Variants in MIR2052HG observed in about 807,000 individuals in gnomAD.
MIR2052HG encodes the protein MIR2052 host gene.
intron 4 of MIR2052HG, among the ~76,000 whole-genome samples, chr8:74,726,709 A>T (rs1225468081): frequency 6.6e-6 from 1 of 152,172 alleles, no homozygotes; most frequent in Admixed American, 6.6e-5. Context: ...CAGGGACAGG[A>T]TATGTGGGCG....
intron 4 of MIR2052HG, among the ~76,000 whole-genome samples, chr8:74,740,769 T>C (rs1463928851): frequency 6.6e-6 from 1 of 152,192 alleles, no homozygotes; most frequent in Non-Finnish European, 1.5e-5. Context: ...AATCGTCTTA[T>C]TGCTTTGAAC....
intron 4 of MIR2052HG, among the ~76,000 whole-genome samples, chr8:74,744,571 C>T (rs867760299): frequency 5.3e-5 from 8 of 151,642 alleles, no homozygotes; most frequent in East Asian, 1.9e-4. Context: ...TGAGAATATG[C>T]GGTGTTTGGT....
chr8:74,719,752 C>T (rs1046515713), intron 4 of MIR2052HG, among the ~76,000 whole-genome samples: 3 of 151,832 alleles, frequency 2.0e-5, no homozygotes, highest in Non-Finnish European at 4.4e-5. Context: ...TGTTAGACAG[C>T]CTTAGCAGGA....
chr8:74,639,752 CA>C (rs758753401), intron 2 of MIR2052HG, among the ~76,000 whole-genome samples: 4 of 152,108 alleles, frequency 2.6e-5, no homozygotes, highest in Non-Finnish European at 4.4e-5. Flanking sequence ...GTATTTTTGA[CA>C]AATTCTAGGT....
chr8:74,754,489 G>A (rs934347449), intron 5 of MIR2052HG, among the ~76,000 whole-genome samples: 2 of 152,174 alleles, frequency 1.3e-5, no homozygotes, highest in Non-Finnish European at 2.9e-5. Context: ...TTGGAGCTAT[G>A]AGTGTAGAAC....
At position 74,600,806 on chromosome 8, in the gene MIR2052HG, C is replaced by T. The variant is rs1196245754; in HGVS notation, n.128+898C>T. 2.0e-5 allele frequency among the ~76,000 whole-genome samples: 3 copies of T among 152,082 alleles called. No individual in the cohort carries two copies. In the East Asian group the frequency reaches 5.9e-4, roughly 30 times the overall value. On this transcript the variant is annotated intron_variant and non_coding_transcript_variant, in intron 1 of 6. Coordinates refer to ENST00000523442, the Ensembl canonical transcript of MIR2052HG. ...GGCCAGGATGGTCTCGATCTCCTGA[C>T]CTCATTTTCTGCCAGCCTGAGCCTC... is the stretch of plus-strand genomic sequence containing the variant.
chr8:74,616,328 C>T (rs1162845674), intron 2 of MIR2052HG, among the ~76,000 whole-genome samples: 1 of 150,828 alleles, frequency 6.6e-6, no homozygotes, highest in Non-Finnish European at 1.5e-5. Flanking sequence ...GATGGTATCT[C>T]ACTGTGGTTT....
chr8:74,667,879 C>T (rs988779007), intron 2 of MIR2052HG, among the ~76,000 whole-genome samples: 4 of 152,066 alleles, frequency 2.6e-5, no homozygotes, highest in African/African-American at 7.2e-5. Flanking sequence ...TTAAGGGTTC[C>T]ACATAAAGCT....
At chr8:74,700,014 A>G (rs776266088) in intron 2 of MIR2052HG, among the ~76,000 whole-genome samples, 3 of 152,190 alleles carry the variant, frequency 2.0e-5, no homozygotes, top group Non-Finnish European at 4.4e-5. Context: ...CCATTTTGCT[A>G]AGAATAATCT....
intron 2 of MIR2052HG, among the ~76,000 whole-genome samples, chr8:74,637,992 G>A (rs569834355): frequency 5.5e-4 from 83 of 152,250 alleles, no homozygotes; most frequent in African/African-American, 1.9e-3. Flanking sequence ...TATTCTCATG[G>A]CATTGATAGA....
intron 2 of MIR2052HG, among the ~76,000 whole-genome samples, chr8:74,652,052 G>T (rs1042566987): frequency 6.6e-6 from 1 of 152,132 alleles, no homozygotes; most frequent in Non-Finnish European, 1.5e-5. Flanking sequence ...TTGAGGAACA[G>T]GCTGGTATTT....
intron 2 of MIR2052HG, among the ~76,000 whole-genome samples, chr8:74,682,454 A>C (rs1449444322): frequency 6.6e-6 from 1 of 152,202 alleles, no homozygotes; most frequent in African/African-American, 2.4e-5. Flanking sequence ...AAAATTAACA[A>C]AATACTAATA....
At chr8:74,662,560 A>T (rs1808876888) in intron 2 of MIR2052HG, among the ~76,000 whole-genome samples, 1 of 152,242 alleles carries the variant, frequency 6.6e-6, no homozygotes, top group Non-Finnish European at 1.5e-5. Flanking sequence ...CATTCTGCAT[A>T]TGTATCCCAG....
chr8:74,673,908 T>C (rs61021980), intron 2 of MIR2052HG, among the ~76,000 whole-genome samples: 21 of 129,842 alleles, frequency 1.6e-4, no homozygotes, highest in African/African-American at 7.1e-4. Context: ...TATATATATA[T>C]ATACACACAC....
chr8:74,727,958 T>C (rs1809653888), intron 4 of MIR2052HG, among the ~76,000 whole-genome samples: 1 of 152,216 alleles, frequency 6.6e-6, no homozygotes, highest in South Asian at 2.1e-4. Flanking sequence ...CTCACAGTCA[T>C]GCCTATGTAA....
rs1038034476 is a variant in MIR2052HG, at chr8:74,667,757, C to A, written n.217-34622C>A. Among the ~76,000 whole-genome samples, 8 of 152,216 alleles carry A rather than the reference C, an allele frequency of 5.3e-5. No individual in the cohort carries two copies. The East Asian group carries it at 1.4e-3, about 26-fold the overall frequency. ...CACAGCTTTAACCACCGCAGCACTCCATTAATTGTGGGCATGGGATGCTCA... is the reference window on the plus strand; with the variant it reads ...CACAGCTTTAACCACCGCAGCACTCAATTAATTGTGGGCATGGGATGCTCA... On this transcript the variant is annotated intron_variant and non_coding_transcript_variant, in intron 2 of 6. Coordinates refer to ENST00000523442, the Ensembl canonical transcript of MIR2052HG.
Position 74,631,358 on chromosome 8 carries a change from T to C in MIR2052HG, n.216+18418T>C, listed in dbSNP as rs1808508854. 2.0e-5 allele frequency among the ~76,000 whole-genome samples: 3 copies of C among 152,330 alleles called. No homozygotes were observed. In the South Asian group the frequency reaches 6.2e-4, roughly 32 times the overall value. ...ATGGTTTCTGGTATAGAAGAATAAATAGAAAACAATGTTTGGTGTATTTGA... is the reference window on the plus strand; with the variant it reads ...ATGGTTTCTGGTATAGAAGAATAAACAGAAAACAATGTTTGGTGTATTTGA... On this transcript the variant is annotated intron_variant and non_coding_transcript_variant, in intron 2 of 6. Transcript: ENST00000523442.
At chr8:74,681,860 A>C (rs1054787477) in intron 2 of MIR2052HG, among the ~76,000 whole-genome samples, 1 of 152,214 alleles carries the variant, frequency 6.6e-6, no homozygotes, top group African/African-American at 2.4e-5. Context: ...ATATAGGAAC[A>C]GTATAGAGAG....
At chr8:74,677,905 TGAGGAAAA>T (rs1290780684) in intron 2 of MIR2052HG, among the ~76,000 whole-genome samples, 1 of 152,070 alleles carries the variant, frequency 6.6e-6, no homozygotes, top group African/African-American at 2.4e-5. Flanking sequence ...TGAGACTGAT[TGAGGAAAA>T]AAGGAAAGAA....
Sources: allele counts gnomAD v4.1 joint callset (sites outside exome capture counted in the v4.1 genomes callset), GRCh38; gene constraint gnomAD v4.1.1; transcripts MANE v1.5; gene names NCBI Gene and HGNC (gene_info 2026-07-23, HGNC 2026-07-21).